The following KLF9 variants were observed in gnomAD, a reference collection of about 807,000 sequenced individuals.
KLF9 encodes KLF transcription factor 9.
KLF9 carries 2 observed loss-of-function variants against 17.3 expected under a neutral mutation model. That is an observed-to-expected ratio of 0.12 (90% CI 0.05 to 0.36). The LOEUF (loss-of-function observed/expected upper bound fraction) is 0.36, where lower values mean the gene tolerates loss of function less well. Ranked by LOEUF, KLF9 falls within the 10% of genes least tolerant of loss-of-function variation. The pLI, the probability that KLF9 is intolerant of heterozygous loss-of-function variation, is 1.00. For missense variants in KLF9, 226 were observed against 333.2 expected (o/e 0.68, Z 2.51); for synonymous variants, 138 against 139.2 (o/e 0.99, Z 0.06).
chr9:70,393,372 G>C (rs1019962493), intron 1 of KLF9, among the ~76,000 whole-genome samples: 1 of 152,180 alleles, frequency 6.6e-6, no homozygotes, highest in African/African-American at 2.4e-5. Context: ...ATGGAGGTGA[G>C]TTCTCCATAG....
At position 70,387,832 on chromosome 9, in the gene KLF9, C is replaced by CCACTG; in HGVS notation, c.678_679insCAGTG (p.Glu227GlnfsTer8). ...CGCTTGATCATGCTGGGGTGGAACT[C>CCACTG]GGTGTGCCGCCGGGCGTGCTTTGTG... On this transcript the variant is annotated frameshift_variant, in exon 2 of 2. Transcript: ENST00000377126. LOFTEE classifies it high-confidence loss of function. 6.2e-7 allele frequency: 1 copy of CCACTG among 1,614,040 alleles called. No individual in the cohort carries two copies. Among genetic ancestry groups the CCACTG allele is most frequent in the Non-Finnish European group, 8.5e-7 (1 of 1,180,020 alleles).
At chr9:70,391,040 G>A (rs1363328819) in intron 1 of KLF9, among the ~76,000 whole-genome samples, 2 of 152,086 alleles carry the variant, frequency 1.3e-5, no homozygotes, top group South Asian at 2.1e-4. Flanking sequence ...TTTCTTGGAG[G>A]AGTGCTAATG....
At chr9:70,401,042 C>T (rs554134599) in intron 1 of KLF9, among the ~76,000 whole-genome samples, 1 of 151,862 alleles carries the variant, frequency 6.6e-6, no homozygotes, top group Admixed American at 6.6e-5. Flanking sequence ...GAAGAAATGC[C>T]TCGGGTTAGG....
intron 1 of KLF9, among the ~76,000 whole-genome samples, chr9:70,405,443 G>GCCTTTCTCCTGTTCAAATTCTCCTAGATT (rs2037249635): frequency 2.6e-5 from 4 of 152,140 alleles, no homozygotes; most frequent in Admixed American, 6.5e-5. Flanking sequence ...TTAAGGATTG[G>GCCTTTCTCCTGTTCAAATTCTCCTAGATT]CCTTTCTCCT....
chr9:70,390,439 G>T (rs529367133), intron 1 of KLF9, among the ~76,000 whole-genome samples: 1 of 152,190 alleles, frequency 6.6e-6, no homozygotes, highest in African/African-American at 2.4e-5. Context: ...TAAAGACATG[G>T]AGTTGAAAAC....
chr9:70,391,684 A>G (rs1411290368), intron 1 of KLF9, among the ~76,000 whole-genome samples: 2 of 152,236 alleles, frequency 1.3e-5, no homozygotes, highest in Non-Finnish European at 2.9e-5. Context: ...CTTTTTGGTC[A>G]GTGATCTAAA....
chr9:70,412,186 C>CAAAAA lies in KLF9; in HGVS notation c.505+668_505+672dup, dbSNP rs10644898. ...GAGGGTGCGACCTAAGTCACATGGC[C>CAAAAA]AAAAAAAAAAAAAAAAAAAAAAAAA... On this transcript the variant is annotated intron_variant, in intron 1 of 1. Coordinates refer to ENST00000377126, the MANE Select transcript of KLF9 (RefSeq NM_001206.4). Among the ~76,000 whole-genome samples the CAAAAA allele has an allele frequency of 4.7e-4, 22 of 47,120 alleles. 2 individuals carry two copies. Among genetic ancestry groups the CAAAAA allele is most frequent in the African/African-American group, 1.4e-3 (16 of 11,124 alleles). The allele number at this position is 47,120 out of a possible 152,430, so 30.9% of individuals were successfully genotyped here. A position where few individuals can be genotyped will look rare whatever the true frequency, so the allele number is the denominator to read the frequency against.
At chr9:70,392,860 TGA>T (rs1389586956) in intron 1 of KLF9, among the ~76,000 whole-genome samples, 1 of 152,158 alleles carries the variant, frequency 6.6e-6, no homozygotes, top group African/African-American at 2.4e-5. Context: ...TTAGTATTAA[TGA>T]GAGAGTTACC....
intron 1 of KLF9, among the ~76,000 whole-genome samples, chr9:70,409,011 TACAC>T (rs67788207): frequency 1.9e-5 from 2 of 106,128 alleles, no homozygotes; most frequent in East Asian, 4.9e-4. Context: ...TATATATATA[TACAC>T]ATATATGTAT....
intron 1 of KLF9, among the ~76,000 whole-genome samples, chr9:70,402,920 C>A (rs947378911): frequency 6.6e-6 from 1 of 152,118 alleles, no homozygotes; most frequent in African/African-American, 2.4e-5. Flanking sequence ...GAGGCCGAGG[C>A]GGGTGGATCA....
intron 1 of KLF9, among the ~76,000 whole-genome samples, chr9:70,408,228 A>T (rs2037270760): frequency 6.6e-6 from 1 of 152,152 alleles, no homozygotes; most frequent in African/African-American, 2.4e-5. Flanking sequence ...GCAAAAAATT[A>T]GCCGAGTGTG....
chr9:70,406,697 A>G (rs1268693981), intron 1 of KLF9, among the ~76,000 whole-genome samples: 1 of 151,998 alleles, frequency 6.6e-6, no homozygotes, highest in African/African-American at 2.4e-5. Context: ...CGTGTGTTGC[A>G]TAGAAACAGA....
chr9:70,389,122 C>T lies in KLF9; in HGVS notation c.506-1117G>A, dbSNP rs531090779. Among the ~76,000 whole-genome samples the T allele has an allele frequency of 4.6e-5, 7 of 151,502 alleles. No individual in the cohort carries two copies. In the South Asian group the frequency reaches 1.5e-3, roughly 32 times the overall value. On this transcript the variant is annotated intron_variant, in intron 1 of 1. Transcript: ENST00000377126. ...TGCCACTGCACTCTAGCCTAGGCGA[C>T]AGAGTGAGACTCTGTCTCAAAAAGA...
At chr9:70,393,116 C>A (rs2037162352) in intron 1 of KLF9, among the ~76,000 whole-genome samples, 1 of 152,142 alleles carries the variant, frequency 6.6e-6, no homozygotes, top group Non-Finnish European at 1.5e-5. Context: ...TAAATGTGAT[C>A]AAAAAAGCTA....
At position 70,390,472 on chromosome 9, in the gene KLF9, G is replaced by A. The variant is rs928954024; in HGVS notation, c.506-2467C>T. ...AACTACACTTCTGCAACTTCCATTA[G>A]ATAAACAGGATTTTAACCCACTTCA... On this transcript the variant is annotated intron_variant, in intron 1 of 1. Coordinates refer to ENST00000377126, the MANE Select transcript of KLF9 (RefSeq NM_001206.4). 2.0e-5 allele frequency among the ~76,000 whole-genome samples: 3 copies of A among 152,106 alleles called. No individual in the cohort carries two copies. In the South Asian group the frequency reaches 6.2e-4, roughly 32 times the overall value.
rs144684948 is a variant in KLF9 at position 70,409,988 on chromosome 9, T to G, written c.505+2871A>C. On this transcript the variant is annotated intron_variant, in intron 1 of 1. Transcript: ENST00000377126. ...TTACTGTGTGTGGAACCCTACCAAG[T>G]GCTTTATAGATGTTATCTTTGCACA... is the stretch of plus-strand genomic sequence containing the variant. 4.6e-3 allele frequency among the ~76,000 whole-genome samples: 702 copies of G among 152,348 alleles called. 8 individuals carry two copies. Among genetic ancestry groups the G allele is most frequent in the African/African-American group, 0.016 (666 of 41,578 alleles).
At position 70,387,452 on chromosome 9, in the gene KLF9, C is replaced by T. The variant is rs530628634; in HGVS notation, c.*324G>A. 1.4e-3 allele frequency: 246 copies of T among 175,694 alleles called. 1 individual carries two copies. The highest frequency in any genetic ancestry group is 2.1e-3 in the Non-Finnish European group (172 of 83,456). 10.9% of individuals were successfully genotyped at this position (175,694 alleles called of 1,614,324 possible). On this transcript the variant is annotated 3_prime_UTR_variant, in exon 2 of 2. Transcript: ENST00000377126. ...TCCCCCCCACCCACTCCCTACCCTC[C>T]CCCGCAAAAAAATAAAAGGAGAAAA...
chr9:70,412,707 G>T, intron 1 of KLF9, 152 bp downstream of exon 1: 1 of 779,450 alleles, frequency 1.3e-6, no homozygotes, highest in Non-Finnish European at 2.0e-6. Context: ...TTCCGCCAAT[G>T]CACATTTAAA....
intron 1 of KLF9, among the ~76,000 whole-genome samples, chr9:70,392,996 T>C (rs1317453378): frequency 2.0e-5 from 3 of 152,170 alleles, no homozygotes; most frequent in Non-Finnish European, 4.4e-5. Flanking sequence ...GGAGCAGAGC[T>C]GTTAACAGCA....
Sources: allele counts gnomAD v4.1 joint callset (sites outside exome capture counted in the v4.1 genomes callset), GRCh38; gene constraint gnomAD v4.1.1; transcripts MANE v1.5; gene names NCBI Gene and HGNC (gene_info 2026-07-23, HGNC 2026-07-21).